CEP41: variants seen among roughly 807,000 people sequenced by gnomAD.
The protein encoded by CEP41 is centrosomal protein 41, also known as centrosomal protein of 41 kDa.
A neutral mutation model predicts 44.3 loss-of-function variants in CEP41; 32 were observed. The ratio of observed to expected loss-of-function variants is 0.72; its 90% CI spans 0.54 to 0.97. The LOEUF (loss-of-function observed/expected upper bound fraction) is 0.97, where lower values mean the gene tolerates loss of function less well. CEP41 is among the 50% of genes least tolerant of loss of function. CEP41 has a pLI of 0.00. For synonymous variants in CEP41, 151 were observed against 168.5 expected (o/e 0.90, Z 0.80); for missense variants, 432 against 455.2 (o/e 0.95, Z 0.46).
intron 4 of CEP41, among the ~76,000 whole-genome samples, chr7:130,411,490 G>A (rs565012244): frequency 2.4e-4 from 37 of 152,294 alleles, no homozygotes; most frequent in African/African-American, 8.4e-4. Context: ...TGTATATATC[G>A]TGGTCCAAGC....
At chr7:130,401,385 T>TA (rs1443715363) in intron 8 of CEP41, among the ~76,000 whole-genome samples, 165 of 150,822 alleles carry the variant, frequency 1.1e-3, no homozygotes, top group Non-Finnish European at 1.7e-3. Context: ...TCAACTTTGT[T>TA]AAAAAAAAAC....
intron 3 of CEP41, among the ~76,000 whole-genome samples, chr7:130,414,392 A>G (rs1554420443): frequency 6.6e-6 from 1 of 152,210 alleles, no homozygotes; most frequent in African/African-American, 2.4e-5. Context: ...TTGCCCACCA[A>G]AAGTCGTTTA....
intron 1 of CEP41, 82 bp from the exon 2 acceptor site, chr7:130,428,100 A>C (rs1048448794): frequency 9.1e-6 from 9 of 985,844 alleles, no homozygotes; most frequent in Non-Finnish European, 1.4e-5. Flanking sequence ...ATACTTTAAA[A>C]ATGGAAAAAA....
chr7:130,440,799 ATCCCGACCCCTCCTCACG>A, intron 1 of CEP41, 117 bp downstream of exon 1: 1 of 257,098 alleles, frequency 3.9e-6, no homozygotes, highest in East Asian at 8.9e-5. Context: ...CCGCCCCTGC[ATCCCGACCCCTCCTCACG>A]CCGGCCCCTT....
chr7:130,409,035 A>T (rs1247350723), intron 5 of CEP41, among the ~76,000 whole-genome samples: 1 of 152,238 alleles, frequency 6.6e-6, no homozygotes, highest in African/African-American at 2.4e-5. Flanking sequence ...GGACCAAAAC[A>T]TAGACAGTGA....
intron 1 of CEP41, among the ~76,000 whole-genome samples, chr7:130,439,349 G>T (rs1563001387): frequency 6.6e-6 from 1 of 151,608 alleles, no homozygotes; most frequent in Non-Finnish European, 1.5e-5. Flanking sequence ...TAGTAGTTAA[G>T]TTTTTTTGCA....
chr7:130,413,436 T>C (rs559554463), intron 3 of CEP41, among the ~76,000 whole-genome samples: 9 of 152,092 alleles, frequency 5.9e-5, no homozygotes, highest in Non-Finnish European at 2.9e-5. Flanking sequence ...CAAAAATTAG[T>C]TGGGCATGGT....
intron 5 of CEP41, among the ~76,000 whole-genome samples, chr7:130,407,825 C>T (rs13239658): frequency 0.19 from 29,341 of 151,722 alleles, 2,838 homozygotes; most frequent in African/African-American, 0.21. Context: ...GATTTGATTA[C>T]GTAAAAATTC....
At position 130,397,063 on chromosome 7, in the gene CEP41, A is replaced by G; in HGVS notation, c.*1828T>C. On this transcript the variant is annotated 3_prime_UTR_variant, in exon 11 of 11. Transcript: ENST00000223208. ...TCCTTAAAAATGTATATGTGGCAAA[A>G]ATGGCTGAAAATCTTGTCCATGCTA... 2.2e-6 allele frequency: 1 copy of G among 454,514 alleles called. No individual in the cohort carries two copies. Among genetic ancestry groups the G allele is most frequent in the Middle Eastern group, 6.9e-4 (1 of 1,444 alleles). The allele number at this position is 454,514 out of a possible 1,614,324, so 28.2% of individuals were successfully genotyped here.
intron 2 of CEP41, among the ~76,000 whole-genome samples, chr7:130,423,219 A>AT (rs781791379): frequency 1.4e-4 from 22 of 152,202 alleles, no homozygotes; most frequent in Non-Finnish European, 2.9e-4. Flanking sequence ...AAGTGCTGGG[A>AT]TTACAGGTGT....
Position 130,398,199 on chromosome 7 carries a change from C to A in CEP41, c.*692G>T, listed in dbSNP as rs1381575213. 4.4e-6 allele frequency: 2 copies of A among 453,794 alleles called. No homozygotes were observed. The highest frequency in any genetic ancestry group is 8.8e-6 in the Non-Finnish European group (2 of 226,688). The allele number at this position is 453,794 out of a possible 1,614,324, so 28.1% of individuals were successfully genotyped here. On this transcript the variant is annotated 3_prime_UTR_variant, in exon 11 of 11. Coordinates refer to ENST00000223208, the MANE Select transcript of CEP41 (RefSeq NM_018718.3). ...GGCCCTCCTCCCCGGTGTGAAGACACCCACATGCATACCTTTCTGGCTCCA... is the reference window on the plus strand; with the variant it reads ...GGCCCTCCTCCCCGGTGTGAAGACAACCACATGCATACCTTTCTGGCTCCA...
Position 130,400,090 on chromosome 7 carries a change from T to C in CEP41, c.922A>G (p.Lys308Glu). The C allele has an allele frequency of 6.2e-7, 1 of 1,613,558 alleles. No individual in the cohort carries two copies. Among genetic ancestry groups the C allele is most frequent in the Non-Finnish European group, 8.5e-7 (1 of 1,179,872 alleles). Reference sequence around the variant, plus strand: ...TCTTCCAGATAATATTCTATCTTTTTTAAGTCTTCTGGGGTAAATCTCCAT... The same window carrying C: ...TCTTCCAGATAATATTCTATCTTTTCTAAGTCTTCTGGGGTAAATCTCCAT... ...NKWRFTPEDL[K>E]KIEYYLEEEQ... The change falls in exon 10 of 11, where the codon AAA becomes GAA. Residue 308 changes from lysine (K) to glutamate (E), a missense_variant. Transcript: ENST00000223208.
chr7:130,410,881 A>G, intron 5 of CEP41: 2 of 579,528 alleles, frequency 3.5e-6, no homozygotes, highest in Non-Finnish European at 6.2e-6. Context: ...AGTAATTAGT[A>G]TATTAAACAC....
rs114163767 is a variant in CEP41, at chr7:130,439,149, T to G, written c.33+1785A>C. Among the ~76,000 whole-genome samples the G allele has an allele frequency of 4.8e-3, 737 of 152,278 alleles. 5 individuals are homozygous for G. The highest frequency in any genetic ancestry group is 0.017 in the African/African-American group (703 of 41,550). On this transcript the variant is annotated intron_variant, in intron 1 of 10. Coordinates refer to ENST00000223208, the MANE Select transcript of CEP41 (RefSeq NM_018718.3). ...CCCTTAGCAATGAAGACAATTAGGATGAAGATGTTTATGATGATACACTGC... is the reference window on the plus strand; with the variant it reads ...CCCTTAGCAATGAAGACAATTAGGAGGAAGATGTTTATGATGATACACTGC...
In CEP41 at chr7:130,398,772, C is replaced by G. The variant is rs782552077; in HGVS notation, c.*119G>C. The G allele has an allele frequency of 1.7e-6, 2 of 1,190,028 alleles. No individual in the cohort carries two copies. The highest frequency in any genetic ancestry group is 2.4e-5 in the South Asian group (2 of 82,036). 73.7% of individuals were successfully genotyped at this position (1,190,028 alleles called of 1,614,324 possible). ...AGACAGGGACAGGGAAGAGGCCTAT[C>G]CCATACATATGTCATGGTCTTTCCT... On this transcript the variant is annotated 3_prime_UTR_variant, in exon 11 of 11. Coordinates refer to ENST00000223208, the MANE Select transcript of CEP41 (RefSeq NM_018718.3).
intron 1 of CEP41, among the ~76,000 whole-genome samples, chr7:130,432,052 G>C (rs1434318356): frequency 1.3e-5 from 2 of 152,136 alleles, no homozygotes; most frequent in African/African-American, 4.8e-5. Context: ...CAAAGAATTA[G>C]CCAGCCCAAA....
At chr7:130,429,332 A>G (rs1797759415) in intron 1 of CEP41, among the ~76,000 whole-genome samples, 1 of 148,074 alleles carries the variant, frequency 6.8e-6, no homozygotes, top group South Asian at 2.1e-4. Flanking sequence ...AAAAATGCAT[A>G]TGTCAGGTCT....
At chr7:130,401,626 A>G (rs1363074602) in intron 8 of CEP41, among the ~76,000 whole-genome samples, 3 of 152,158 alleles carry the variant, frequency 2.0e-5, no homozygotes, top group Admixed American at 6.5e-5. Context: ...GAGGAAAAAA[A>G]CTCTCTTAGG....
chr7:130,400,183 C>T lies in CEP41; in HGVS notation c.829G>A (p.Ala277Thr). ...TTCCGGGCAGACCCAGGAGGAAGGGCCTGCTGGCAAGATGCTGGCAGGGAA... is the reference window on the plus strand; with the variant it reads ...TTCCGGGCAGACCCAGGAGGAAGGGTCTGCTGGCAAGATGCTGGCAGGGAA... Reference protein sequence around the residue: ...TGSLPASCQQALPPGSARKRS... With the variant: ...TGSLPASCQQTLPPGSARKRS... Residue 277 changes from alanine to threonine, a missense_variant, in exon 10 of 11, where the codon GCC becomes ACC. Physicochemically the swap from Ala to Thr is moderately conservative, Grantham distance 58. Coordinates refer to ENST00000223208, the MANE Select transcript of CEP41 (RefSeq NM_018718.3). 1 of 1,613,916 alleles carries T rather than the reference C, an allele frequency of 6.2e-7. No individual in the cohort carries two copies. Among genetic ancestry groups the T allele is most frequent in the Non-Finnish European group, 8.5e-7 (1 of 1,179,950 alleles).
Sources: allele counts gnomAD v4.1 joint callset (sites outside exome capture counted in the v4.1 genomes callset), GRCh38; gene constraint gnomAD v4.1.1; transcripts MANE v1.5; gene names NCBI Gene and HGNC (gene_info 2026-07-23, HGNC 2026-07-21).